Variants in ZNF385D observed in about 807,000 individuals in gnomAD.
ZNF385D encodes the protein zinc finger protein 659.
ZNF385D carries 15 observed loss-of-function variants against 35.8 expected under a neutral mutation model. The observed-to-expected ratio is 0.42, with a 90% confidence interval of 0.28 to 0.64. The LOEUF (loss-of-function observed/expected upper bound fraction) is 0.64, where lower values mean the gene tolerates loss of function less well. ZNF385D is among the 30% of genes least tolerant of loss of function. The pLI is 0.23. For synonymous variants in ZNF385D, 212 were observed against 186.8 expected (o/e 1.13, Z -1.10); for missense variants, 474 against 494.6 (o/e 0.96, Z 0.39).
intron 3 of ZNF385D, chr3:21,958,977 T>C (rs1472036054): frequency 6.6e-6 from 1 of 152,198 alleles, no homozygotes; most frequent in Non-Finnish European, 1.5e-5. Flanking sequence ...GATTTCATAA[T>C]GCAATATTAC....
intron 3 of ZNF385D, among the ~76,000 whole-genome samples, chr3:21,822,592 A>T (rs1386627845): frequency 6.9e-6 from 1 of 145,264 alleles, no homozygotes; most frequent in African/African-American, 2.5e-5. Context: ...TACTACATAG[A>T]AACTTCTGGA....
chr3:21,746,244 T>G (rs921671460), intron 1 of ZNF385D, among the ~76,000 whole-genome samples: 1 of 152,344 alleles, frequency 6.6e-6, no homozygotes, highest in Middle Eastern at 3.4e-3. Context: ...GCTCATGAAT[T>G]TTGGAACTTA....
chr3:21,698,384 G>C (rs1271038899), intron 1 of ZNF385D, among the ~76,000 whole-genome samples: 1 of 137,376 alleles, frequency 7.3e-6, no homozygotes. Flanking sequence ...CTTATAATTT[G>C]GAGCTAAACA....
At chr3:21,966,605 G>T (rs475648) in intron 3 of ZNF385D, among the ~76,000 whole-genome samples, 20,713 of 152,080 alleles carry the variant, frequency 0.14, 3,391 homozygotes, top group African/African-American at 0.39. Flanking sequence ...TGTTTGAGAC[G>T]CAGTCACACT....
At chr3:21,479,571 T>G (rs1704472660) in intron 4 of ZNF385D, among the ~76,000 whole-genome samples, 1 of 152,118 alleles carries the variant, frequency 6.6e-6, no homozygotes, top group African/African-American at 2.4e-5. Flanking sequence ...ATTTAAGGAT[T>G]TTGATTTAGA....
intron 3 of ZNF385D, among the ~76,000 whole-genome samples, chr3:21,942,065 G>A (rs769412210): frequency 7.2e-5 from 11 of 151,940 alleles, no homozygotes; most frequent in Non-Finnish European, 1.0e-4. Context: ...ATTGTCAAAT[G>A]TATATGTTAT....
chr3:22,315,979 T>G (rs1703865931), intron 2 of ZNF385D, among the ~76,000 whole-genome samples: 2 of 152,212 alleles, frequency 1.3e-5, no homozygotes, highest in Non-Finnish European at 2.9e-5. Context: ...GGTCACAAGA[T>G]GTGTGACTTC....
chr3:22,205,587 A>T (rs1358722624), intron 2 of ZNF385D, among the ~76,000 whole-genome samples: 1 of 151,992 alleles, frequency 6.6e-6, no homozygotes, highest in Non-Finnish European at 1.5e-5. Flanking sequence ...AATAACAAAA[A>T]GTTAAAAAGC....
chr3:22,043,498 T>C (rs1576215492), intron 3 of ZNF385D, among the ~76,000 whole-genome samples: 1 of 152,298 alleles, frequency 6.6e-6, no homozygotes, highest in East Asian at 1.9e-4. Flanking sequence ...ACATATTTAC[T>C]TGTATATTGG....
intron 3 of ZNF385D, among the ~76,000 whole-genome samples, chr3:22,152,079 C>T (rs571786095): frequency 1.3e-5 from 2 of 152,164 alleles, no homozygotes; most frequent in Admixed American, 1.3e-4. Context: ...TCATTTAGCT[C>T]CCACTTCTAA....
intron 3 of ZNF385D, among the ~76,000 whole-genome samples, chr3:21,976,793 A>G (rs1576060077): frequency 2.0e-5 from 3 of 152,114 alleles, no homozygotes; most frequent in East Asian, 3.9e-4. Context: ...GAGTTCGAGA[A>G]CATCCTGGCC....
At chr3:21,774,437 G>A (rs1283671329) in intron 3 of ZNF385D, among the ~76,000 whole-genome samples, 2 of 151,750 alleles carry the variant, frequency 1.3e-5, no homozygotes, top group African/African-American at 4.8e-5. Flanking sequence ...TAAAATAAAA[G>A]TTGGAATCAA....
At chr3:21,634,528 T>A (rs1008163331) in intron 2 of ZNF385D, among the ~76,000 whole-genome samples, 2 of 152,080 alleles carry the variant, frequency 1.3e-5, no homozygotes, top group African/African-American at 4.8e-5. Context: ...TTTTAAAATA[T>A]ATATACCTTT....
At chr3:22,045,766 C>A (rs1698963142) in intron 3 of ZNF385D, among the ~76,000 whole-genome samples, 1 of 151,928 alleles carries the variant, frequency 6.6e-6, no homozygotes, top group Non-Finnish European at 1.5e-5. Flanking sequence ...TTCTCTCAAA[C>A]CAATGGAGCC....
chr3:21,827,088 T>C (rs999305905), intron 3 of ZNF385D, among the ~76,000 whole-genome samples: 2 of 152,234 alleles, frequency 1.3e-5, no homozygotes, highest in African/African-American at 2.4e-5. Context: ...ATACCTATTT[T>C]ACATAGTTTC....
chr3:21,856,898 A>T (rs1696743874), intron 3 of ZNF385D, among the ~76,000 whole-genome samples: 1 of 152,110 alleles, frequency 6.6e-6, no homozygotes, highest in African/African-American at 2.4e-5. Context: ...AAATCTTTTT[A>T]AAAACGTCCA....
chr3:22,126,368 C>T (rs1703432780), intron 3 of ZNF385D, among the ~76,000 whole-genome samples: 1 of 125,954 alleles, frequency 7.9e-6, no homozygotes, highest in Non-Finnish European at 1.6e-5. Context: ...TATTAACCTT[C>T]CTCTTACTAA....
chr3:21,779,993 T>C (rs1372074028), intron 3 of ZNF385D, among the ~76,000 whole-genome samples: 2 of 151,916 alleles, frequency 1.3e-5, no homozygotes, highest in African/African-American at 4.8e-5. Context: ...CCTTGCTCAC[T>C]GCAAAGAATA....
chr3:22,106,061 T>C (rs1482371333), intron 3 of ZNF385D, among the ~76,000 whole-genome samples: 6 of 152,106 alleles, frequency 3.9e-5, no homozygotes. Context: ...ATAGGATAAA[T>C]CACCCCTAGG....
Sources: gnomAD v4.1 joint callset for allele counts (sites outside exome capture counted in the v4.1 genomes callset) on GRCh38, gnomAD v4.1.1 for gene constraint, MANE v1.5 for transcripts, NCBI Gene and HGNC (gene_info 2026-07-23, HGNC 2026-07-21) for gene names.